Variants in KCTD8 observed in about 807,000 individuals in gnomAD.
KCTD8 encodes BTB/POZ domain-containing protein KCTD8.
In KCTD8, 27 loss-of-function variants were observed where a neutral mutation model predicts 31.5. The observed-to-expected ratio is 0.86, with a 90% CI of 0.63 to 1.18. The LOEUF is 1.18. Among genes scored for constraint, KCTD8 ranks in the 50% most tolerant of loss-of-function variants. The probability of loss-of-function intolerance (pLI) is 0.00; values close to 1 mark genes in which losing one functional copy is unlikely to be tolerated. For synonymous variants in KCTD8, 290 were observed against 280.0 expected, an observed-to-expected ratio of 1.04 and a Z score of -0.36; for missense variants, 658 against 647.7, an observed-to-expected ratio of 1.02 and a Z score of -0.17.
intron 1 of KCTD8, among the ~76,000 whole-genome samples, chr4:44,191,343 A>T (rs763351759): frequency 4.0e-4 from 61 of 152,204 alleles, no homozygotes; most frequent in Non-Finnish European, 7.9e-4. Context: ...GTGTTTGAAC[A>T]ATATGAAATC....
intron 1 of KCTD8, among the ~76,000 whole-genome samples, chr4:44,382,459 G>T (rs1438894342): frequency 6.6e-6 from 1 of 152,028 alleles, no homozygotes; most frequent in Admixed American, 6.6e-5. Flanking sequence ...GGGCATGGTG[G>T]CTCACAGCTG....
chr4:44,259,009 G>A (rs549388837), intron 1 of KCTD8, among the ~76,000 whole-genome samples: 1 of 151,814 alleles, frequency 6.6e-6, no homozygotes, highest in African/African-American at 2.4e-5. Context: ...ACCATTTAGG[G>A]TCAATAATTT....
chr4:44,427,871 C>T (rs1721385874), intron 1 of KCTD8, among the ~76,000 whole-genome samples: 1 of 151,614 alleles, frequency 6.6e-6, no homozygotes, highest in East Asian at 1.9e-4. Flanking sequence ...CACTGGATTT[C>T]CACCTTTTAA....
intron 1 of KCTD8, among the ~76,000 whole-genome samples, chr4:44,191,624 T>G (rs544936111): frequency 1.3e-5 from 2 of 152,252 alleles, no homozygotes; most frequent in South Asian, 4.2e-4. Flanking sequence ...GAGGTTGAGA[T>G]AAGGACTGAG....
chr4:44,385,020 C>G (rs996833562), intron 1 of KCTD8, among the ~76,000 whole-genome samples: 3 of 150,310 alleles, frequency 2.0e-5, no homozygotes, highest in African/African-American at 7.3e-5. Flanking sequence ...ATAAGCTTAA[C>G]CAAGAAGGTG....
In KCTD8 at chr4:44,218,124, CTTTTTTT is replaced by C. The variant is rs570521203; in HGVS notation, c.962-42881_962-42875del. On this transcript the variant is annotated intron_variant, in intron 1 of 1. Transcript: ENST00000360029. ...GTAACACTGTACATTTTAAAATGTC[CTTTTTTT>C]TTTTTTTTTTTTTTTTTTTTGAGAT... 2.5e-4 allele frequency among the ~76,000 whole-genome samples: 23 copies of C among 91,532 alleles called. 1 individual carries two copies. In the South Asian group the frequency reaches 4.0e-3, roughly 16 times the overall value. 60.0% of individuals were successfully genotyped at this position (91,532 alleles called of 152,430 possible).
chr4:44,267,823 T>C (rs1159440058), intron 1 of KCTD8, among the ~76,000 whole-genome samples: 3 of 152,176 alleles, frequency 2.0e-5, no homozygotes, highest in South Asian at 2.1e-4. Flanking sequence ...GACACATACA[T>C]TCTCCCAAGA....
chr4:44,362,180 T>A (rs1055986260), intron 1 of KCTD8, among the ~76,000 whole-genome samples: 1 of 152,138 alleles, frequency 6.6e-6, no homozygotes, highest in African/African-American at 2.4e-5. Context: ...TTGGCTAAAA[T>A]GCCAGCCACA....
intron 1 of KCTD8, among the ~76,000 whole-genome samples, chr4:44,215,991 G>C (rs898173337): frequency 1.3e-5 from 2 of 152,002 alleles, no homozygotes; most frequent in Non-Finnish European, 2.9e-5. Context: ...GAAACCAAAA[G>C]GCACTTTAAA....
rs544523266 is a variant in KCTD8 at position 44,383,536 on chromosome 4, A to G, written c.961+64027T>C. Among the ~76,000 whole-genome samples the G allele has an allele frequency of 2.6e-4, 40 of 152,212 alleles. 1 individual carries two copies. Among genetic ancestry groups the G allele is most frequent in the Non-Finnish European group, 4.7e-4 (32 of 67,986 alleles). On this transcript the variant is annotated intron_variant, in intron 1 of 1. Transcript: ENST00000360029. ...CATATTTACAGCCAAGTGATTTTCA[A>G]CAACAGTGGCAAGAATGTACAATGG... is the stretch of plus-strand genomic sequence containing the variant.
In KCTD8 at chr4:44,271,407, C is replaced by T. The variant is rs144417787; in HGVS notation, c.962-96157G>A. On this transcript the variant is annotated intron_variant, in intron 1 of 1. Transcript: ENST00000360029. ...GAATAGCATAATGGCTAACAGCCTG[C>T]GGGCTCTGGACTCAGACTTCTAGTG... Among the ~76,000 whole-genome samples, 37 of 152,198 alleles carry T rather than the reference C, an allele frequency of 2.4e-4. 3 individuals are homozygous for T. In the South Asian group the frequency reaches 2.5e-3, roughly 10 times the overall value.
At chr4:44,281,583 T>C (rs543021795) in intron 1 of KCTD8, among the ~76,000 whole-genome samples, 1 of 152,134 alleles carries the variant, frequency 6.6e-6, no homozygotes, top group Non-Finnish European at 1.5e-5. Flanking sequence ...GAGTTCCCAA[T>C]TTGTACTTGT....
At chr4:44,373,311 A>C (rs1221205211) in intron 1 of KCTD8, among the ~76,000 whole-genome samples, 1 of 151,846 alleles carries the variant, frequency 6.6e-6, no homozygotes, top group Non-Finnish European at 1.5e-5. Flanking sequence ...CAGTGAGCTG[A>C]GGTCACACCA....
chr4:44,397,285 T>C (rs937411970), intron 1 of KCTD8, among the ~76,000 whole-genome samples: 1 of 152,212 alleles, frequency 6.6e-6, no homozygotes, highest in Non-Finnish European at 1.5e-5. Context: ...GTGTTATTGA[T>C]TTATAAGTTC....
intron 1 of KCTD8, among the ~76,000 whole-genome samples, chr4:44,425,177 T>G (rs921071014): frequency 5.3e-5 from 8 of 152,042 alleles, no homozygotes; most frequent in African/African-American, 2.4e-5. Flanking sequence ...CAGTCTGTGG[T>G]ACTTTGTTAA....
At chr4:44,396,816 G>A (rs1220866081) in intron 1 of KCTD8, among the ~76,000 whole-genome samples, 1 of 152,078 alleles carries the variant, frequency 6.6e-6, no homozygotes, top group Non-Finnish European at 1.5e-5. Context: ...AAATTGTTAG[G>A]AGGTTTAAGA....
intron 1 of KCTD8, among the ~76,000 whole-genome samples, chr4:44,370,561 A>T (rs934127825): frequency 2.6e-5 from 4 of 152,194 alleles, no homozygotes; most frequent in African/African-American, 9.6e-5. Context: ...AATATTGCTT[A>T]TAGTCTTATA....
chr4:44,301,745 G>T (rs531078008), intron 1 of KCTD8, among the ~76,000 whole-genome samples: 6 of 152,186 alleles, frequency 3.9e-5, no homozygotes, highest in African/African-American at 7.2e-5. Context: ...GTCAATTTTG[G>T]CTTTTGTTGC....
chr4:44,228,140 A>C (rs189577571), intron 1 of KCTD8, among the ~76,000 whole-genome samples: 1 of 152,114 alleles, frequency 6.6e-6, no homozygotes, highest in Non-Finnish European at 1.5e-5. Flanking sequence ...TGCCTTAACA[A>C]AGCTCCACAA....
Sources: gnomAD v4.1 joint callset for allele counts (sites outside exome capture counted in the v4.1 genomes callset) on GRCh38, gnomAD v4.1.1 for gene constraint, MANE v1.5 for transcripts, NCBI Gene and HGNC (gene_info 2026-07-23, HGNC 2026-07-21) for gene names.